Variants in PHYHIPL observed in about 807,000 individuals in gnomAD.
PHYHIPL encodes the protein phytanoyl-CoA hydroxylase-interacting protein-like.
In PHYHIPL, 9 loss-of-function variants were observed where a neutral mutation model predicts 33.4. That is an observed-to-expected ratio of 0.27 (90% CI 0.16 to 0.47). The LOEUF (loss-of-function observed/expected upper bound fraction) is 0.47, where lower values mean the gene tolerates loss of function less well. Ranked by LOEUF, PHYHIPL falls within the 20% of genes least tolerant of loss-of-function variation. The pLI is 0.99. For synonymous variants in PHYHIPL, 153 were observed against 154.1 expected (o/e 0.99, Z 0.05); for missense variants, 365 against 460.7 (o/e 0.79, Z 1.90).
chr10:59,207,694 A>G (rs1247415728), intron 1 of PHYHIPL, among the ~76,000 whole-genome samples: 2 of 152,164 alleles, frequency 1.3e-5, no homozygotes, highest in Non-Finnish European at 2.9e-5. Flanking sequence ...GATCGAGACC[A>G]TCCTGGCTAA....
intron 1 of PHYHIPL, among the ~76,000 whole-genome samples, chr10:59,191,921 A>G (rs1460167294): frequency 6.6e-6 from 1 of 152,094 alleles, no homozygotes; most frequent in African/African-American, 2.4e-5. Flanking sequence ...TAGAGAAGAA[A>G]TATGCAAATT....
chr10:59,173,921 G>GTTTTTTT (rs368316005), upstream of PHYHIPL, among the ~76,000 whole-genome samples: 156 of 57,544 alleles, frequency 2.7e-3, 41 homozygotes, highest in Non-Finnish European at 3.8e-3. Flanking sequence ...TACTTCTGAG[G>GTTTTTTT]TTTTTTTTTT....
Position 59,238,614 on chromosome 10 carries a change from T to C in PHYHIPL, c.505T>C (p.Leu169=). 6.2e-7 allele frequency: 1 copy of C among 1,609,398 alleles called. No homozygotes were observed. Among genetic ancestry groups the C allele is most frequent in the Middle Eastern group, 1.7e-4 (1 of 6,040 alleles). The change falls in exon 4 of 5, where the codon TTG becomes CTG. Residue 169 remains leucine (L), a synonymous_variant. Coordinates refer to ENST00000373880, the MANE Select transcript of PHYHIPL (RefSeq NM_032439.4). ...CTATTCAAAAGTTCATCTAACACAA[T>C]TGTTGGAGAAGGCTGAAGTGATTGC... ...ADYSKVHLTQ[L]LEKAEVIAGR...
chr10:59,211,352 G>A (rs1255020359), intron 1 of PHYHIPL, among the ~76,000 whole-genome samples: 1 of 152,112 alleles, frequency 6.6e-6, no homozygotes, highest in Non-Finnish European at 1.5e-5. Flanking sequence ...ACTTCAGCCT[G>A]AGTGACAGAA....
chr10:59,176,359 G>A (rs1325369264), upstream of PHYHIPL, among the ~76,000 whole-genome samples: 2 of 152,178 alleles, frequency 1.3e-5, no homozygotes, highest in Admixed American at 6.5e-5. Context: ...ATCACCAGGA[G>A]AGAGGGCGAG....
rs1564459763 is a variant in PHYHIPL at position 59,238,719 on chromosome 10, A to G, written c.596+14A>G. On this transcript the variant is annotated intron_variant, in intron 4 of 4. Transcript: ENST00000373880. ...TGACTATGTTCGGTAAGATTCAAAAATATATAGTGATTTGTTTTACTAAAT... is the reference window on the plus strand; with the variant it reads ...TGACTATGTTCGGTAAGATTCAAAAGTATATAGTGATTTGTTTTACTAAAT... 6.8e-6 allele frequency: 10 copies of G among 1,473,476 alleles called. No individual in the cohort carries two copies. The highest frequency in any genetic ancestry group is 9.5e-6 in the Non-Finnish European group (10 of 1,054,428). The allele number at this position is 1,473,476 out of a possible 1,614,324, so 91.3% of individuals were successfully genotyped here.
intron 1 of PHYHIPL, among the ~76,000 whole-genome samples, chr10:59,205,825 A>G (rs1839269226): frequency 6.6e-6 from 1 of 152,212 alleles, no homozygotes; most frequent in East Asian, 1.9e-4. Context: ...TTGAATTAGT[A>G]TTAAGCCATA....
rs1228974834 is a variant in PHYHIPL, at chr10:59,196,355, G to GTA, written c.106+19408_106+19409dup. Reference sequence around the variant, plus strand: ...AGTCTATAATGTACATAATATATTAGTATATATATATATGTATAATTTATA... The same window carrying GTA: ...AGTCTATAATGTACATAATATATTAGTATATATATATATATGTATAATTTATA... On this transcript the variant is annotated intron_variant, in intron 1 of 4. Transcript: ENST00000373880. Among the ~76,000 whole-genome samples, 902 of 148,208 alleles carry GTA rather than the reference G, an allele frequency of 6.1e-3. 4 individuals are homozygous for GTA. Among genetic ancestry groups the GTA allele is most frequent in the African/African-American group, 0.02 (822 of 40,526 alleles).
intron 1 of PHYHIPL, among the ~76,000 whole-genome samples, chr10:59,180,282 A>ACATC (rs1838370217): frequency 7.0e-6 from 1 of 142,394 alleles, no homozygotes; most frequent in Non-Finnish European, 1.5e-5. Context: ...ACACACATAC[A>ACATC]CACACATATA....
chr10:59,244,132 C>G (rs985895290), intron 4 of PHYHIPL, among the ~76,000 whole-genome samples: 4 of 152,144 alleles, frequency 2.6e-5, no homozygotes, highest in Non-Finnish European at 5.9e-5. Flanking sequence ...GGATAAGGAA[C>G]TGAATGCTAG....
rs71006239 is a variant in PHYHIPL at position 59,244,562 on chromosome 10, C to CAAAAAA, written c.597-476_597-471dup. On this transcript the variant is annotated intron_variant, in intron 4 of 4. Transcript: ENST00000373880. ...CTGGCAACAGAGTGAGACTCTGTCT[C>CAAAAAA]AAAAAAAAAAAAAAAAAAAAAAAAG... is the stretch of plus-strand genomic sequence containing the variant. Among the ~76,000 whole-genome samples, 16 of 39,554 alleles carry CAAAAAA rather than the reference C, an allele frequency of 4.0e-4. 3 individuals carry two copies. Among genetic ancestry groups the CAAAAAA allele is most frequent in the South Asian group, 1.6e-3 (1 of 634 alleles). 25.9% of individuals were successfully genotyped at this position (39,554 alleles called of 152,430 possible).
At chr10:59,181,891 G>GT (rs1370310026) in intron 1 of PHYHIPL, among the ~76,000 whole-genome samples, 1 of 152,172 alleles carries the variant, frequency 6.6e-6, no homozygotes, top group Non-Finnish European at 1.5e-5. Flanking sequence ...CTGATGTGTT[G>GT]TATGTTTAAC....
Position 59,238,745 on chromosome 10 carries a change from A to G in PHYHIPL, c.596+40A>G, listed in dbSNP as rs371570011. The G allele has an allele frequency of 1.5e-5, 20 of 1,306,132 alleles. No homozygotes were observed. In the Middle Eastern group the frequency reaches 8.9e-4, roughly 58 times the overall value. 80.9% of individuals were successfully genotyped at this position (1,306,132 alleles called of 1,614,324 possible). On this transcript the variant is annotated intron_variant, in intron 4 of 4. Coordinates refer to ENST00000373880, the MANE Select transcript of PHYHIPL (RefSeq NM_032439.4). ...TATATAGTGATTTGTTTTACTAAAT[A>G]TAGTTTCAAATTCTAGGCTCAGGTT...
intron 4 of PHYHIPL, among the ~76,000 whole-genome samples, chr10:59,241,566 G>A (rs1840397931): frequency 2.6e-5 from 4 of 152,246 alleles, no homozygotes; most frequent in African/African-American, 9.6e-5. Context: ...TACCTCTGGT[G>A]TCAAATTGTA....
chr10:59,246,790 A>C lies in PHYHIPL; in HGVS notation c.*1199A>C, dbSNP rs1166281904. 2 of 392,910 alleles carry C rather than the reference A, an allele frequency of 5.1e-6. No individual in the cohort carries two copies. The highest frequency in any genetic ancestry group is 4.5e-6 in the Non-Finnish European group (1 of 222,452). 24.3% of individuals were successfully genotyped at this position (392,910 alleles called of 1,614,324 possible). ...GTATATTCCCAATGAAAAAATAGTT[A>C]TATCATCTTATAGTAAACCAAAAGA... On this transcript the variant is annotated 3_prime_UTR_variant, in exon 5 of 5. Coordinates refer to ENST00000373880, the MANE Select transcript of PHYHIPL (RefSeq NM_032439.4).
chr10:59,221,407 T>C (rs950579760), intron 1 of PHYHIPL, among the ~76,000 whole-genome samples: 2 of 152,086 alleles, frequency 1.3e-5, no homozygotes, highest in Non-Finnish European at 2.9e-5. Context: ...TTTTAGCCCA[T>C]GTACATATAT....
At chr10:59,210,293 G>A (rs898431644) in intron 1 of PHYHIPL, among the ~76,000 whole-genome samples, 1 of 152,084 alleles carries the variant, frequency 6.6e-6, no homozygotes, top group Non-Finnish European at 1.5e-5. Context: ...TTCAAAAAAA[G>A]ACATTTATGC....
intron 1 of PHYHIPL, among the ~76,000 whole-genome samples, chr10:59,183,282 A>G (rs1475382470): frequency 6.6e-6 from 1 of 152,208 alleles, no homozygotes; most frequent in East Asian, 1.9e-4. Flanking sequence ...CTCCGTAAAG[A>G]GATTGTTGAA....
chr10:59,245,935 G>A lies in PHYHIPL; in HGVS notation c.*344G>A, dbSNP rs555329704. ...AGTACACAATAATGGCTTATAAATG[G>A]TGTTTAAATATGCATTCATTTTAAT... On this transcript the variant is annotated 3_prime_UTR_variant, in exon 5 of 5. Transcript: ENST00000373880. 1.3e-4 allele frequency: 25 copies of A among 191,188 alleles called. No individual in the cohort carries two copies. The highest frequency in any genetic ancestry group is 2.5e-4 in the Non-Finnish European group (23 of 93,358). The allele number at this position is 191,188 out of a possible 1,614,324, so 11.8% of individuals were successfully genotyped here. A position where few individuals can be genotyped will look rare whatever the true frequency, so the allele number is the denominator to read the frequency against.
Sources: allele counts gnomAD v4.1 joint callset (sites outside exome capture counted in the v4.1 genomes callset), GRCh38; gene constraint gnomAD v4.1.1; transcripts MANE v1.5; gene names NCBI Gene and HGNC (gene_info 2026-07-23, HGNC 2026-07-21).